XG: variants seen among roughly 807,000 people sequenced by gnomAD.
XG encodes Xg glycoprotein (Xg blood group).
In XG, 24 loss-of-function variants were observed where a neutral mutation model predicts 25.7. The ratio of observed to expected loss-of-function variants is 0.93; its 90% CI spans 0.68 to 1.31. The LOEUF is 1.31. Ranked by LOEUF, XG falls within the 40% of genes most tolerant of loss-of-function variation. The pLI, the probability that XG is intolerant of heterozygous loss-of-function variation, is 0.00. For synonymous variants in XG, 77 were observed against 69.2 expected, an observed-to-expected ratio of 1.11 and a Z score of -0.56; for missense variants, 181 against 187.6, an observed-to-expected ratio of 0.96 and a Z score of 0.21.
intron 1 of XG, among the ~76,000 whole-genome samples, chrX:2,766,813 C>T (rs2050708629): frequency 6.6e-6 from 1 of 151,978 alleles, no homozygotes; most frequent in African/African-American, 2.4e-5. Context: ...GATCCGCCTG[C>T]CTCGGCCTCC....
chrX:2,793,383 A>T (rs1332098778), intron 5 of XG, among the ~76,000 whole-genome samples: 2 of 111,670 alleles, frequency 1.8e-5, no homozygotes, highest in African/African-American at 6.5e-5. Context: ...GTCTCCTTGG[A>T]TCTCGTTTGA....
chrX:2,779,450 G>T (rs747416674), intron 3 of XG, among the ~76,000 whole-genome samples: 1 of 151,860 alleles, frequency 6.6e-6, no homozygotes, highest in East Asian at 1.9e-4. Context: ...AAGATGAGCT[G>T]TCAACTAGAA....
intron 1 of XG, among the ~76,000 whole-genome samples, chrX:2,759,009 T>A (rs887344879): frequency 1.5e-4 from 18 of 118,994 alleles, no homozygotes; most frequent in African/African-American, 5.8e-4. Context: ...ATTACCTATC[T>A]ATGTATCTAT....
At chrX:2,789,413 G>A (rs1373701430) in intron 4 of XG, among the ~76,000 whole-genome samples, 3 of 112,207 alleles carry the variant, frequency 2.7e-5, no homozygotes, top group African/African-American at 9.7e-5. Flanking sequence ...TTTCTGCCCT[G>A]TTAATTTCAG....
At chrX:2,768,003 C>T (rs924293900) in intron 1 of XG, among the ~76,000 whole-genome samples, 3 of 152,174 alleles carry the variant, frequency 2.0e-5, no homozygotes, top group African/African-American at 7.2e-5. Flanking sequence ...TCATCCGGAG[C>T]ATCTCAAAGC....
At chrX:2,763,407 G>C (rs2124422414) in intron 1 of XG, among the ~76,000 whole-genome samples, 1 of 151,898 alleles carries the variant, frequency 6.6e-6, no homozygotes, top group East Asian at 1.9e-4. Flanking sequence ...ATAGACGTTG[G>C]GTAAGAGAAA....
chrX:2,792,380 G>C (rs141625934), intron 5 of XG, among the ~76,000 whole-genome samples: 1,340 of 110,687 alleles, frequency 0.012, 22 homozygotes, highest in African/African-American at 0.042. Flanking sequence ...GGTTGCCTAG[G>C]CTGAAATGCA....
chrX:2,752,198 A>G lies in XG; in HGVS notation c.-77A>G, dbSNP rs1569456170. The G allele has an allele frequency of 6.2e-7, 1 of 1,606,154 alleles. No homozygotes were observed. Among genetic ancestry groups the G allele is most frequent in the Admixed American group, 1.7e-5 (1 of 59,320 alleles). ...AGCTGGGAGACCAGAAGTCAACAAC[A>G]GGAGGGTGGAGAGGCCGGGTCTCAC... On this transcript the variant is annotated 5_prime_UTR_variant, in exon 1 of 11. Coordinates refer to ENST00000644266, the MANE Select transcript of XG (RefSeq NM_001141919.2).
chrX:2,788,748 G>A (rs1405460138), intron 4 of XG, among the ~76,000 whole-genome samples: 6 of 110,113 alleles, frequency 5.4e-5, no homozygotes, highest in African/African-American at 2.0e-4. Flanking sequence ...TCAGCTACTC[G>A]GGAGGCTGAG....
chrX:2,767,921 C>T (rs2050735435), intron 1 of XG, among the ~76,000 whole-genome samples: 1 of 152,144 alleles, frequency 6.6e-6, no homozygotes, highest in African/African-American at 2.4e-5. Context: ...TGAAACCAAG[C>T]AAAGCCTAAA....
intron 1 of XG, among the ~76,000 whole-genome samples, chrX:2,757,746 C>G (rs1358732170): frequency 6.6e-6 from 1 of 151,626 alleles, no homozygotes; most frequent in Non-Finnish European, 1.5e-5. Flanking sequence ...CCGAGTTGGG[C>G]AGATCACTTG....
chrX:2,811,199 C>A, intron 9 of XG, 137 bp from the exon 10 acceptor site: 1 of 421,291 alleles, frequency 2.4e-6, no homozygotes, highest in Non-Finnish European at 4.2e-6. Flanking sequence ...TAGATAGATG[C>A]AAAAGTTATT....
chrX:2,802,254 A>G (rs1448618408), intron 7 of XG, among the ~76,000 whole-genome samples: 1 of 109,709 alleles, frequency 9.1e-6, no homozygotes, highest in African/African-American at 3.3e-5. Flanking sequence ...TCTTGGGCTC[A>G]AGCGATCCTC....
At chrX:2,769,919 A>G (rs311146) in intron 1 of XG, among the ~76,000 whole-genome samples, 2,165 of 151,064 alleles carry the variant, frequency 0.014, 52 homozygotes, top group African/African-American at 0.05. Flanking sequence ...AAGGTGTCCT[A>G]TGCTCCATAT....
At position 2,794,590 on chromosome X, in the gene XG, A is replaced by T; in HGVS notation, c.309A>T (p.Pro103=). 1 of 1,211,324 alleles carries T rather than the reference A, an allele frequency of 8.3e-7. No homozygotes were observed. Among genetic ancestry groups the T allele is most frequent in the East Asian group, 3.0e-5 (1 of 33,811 alleles). The change falls in exon 6 of 11, where the codon CCA becomes CCT. Residue 103 remains proline (P), a synonymous_variant. Transcript: ENST00000644266. ...DDGRYPPRPR[P]RPPAGGGGGG... ...GACGCTACCCGCCCAGGCCCAGGCC[A>T]CGGCCGCCTGCAGGTAGGTGCCGAG...
At chrX:2,774,856 T>C in intron 3 of XG, 117 bp downstream of exon 3, 1 of 1,327,622 alleles carries the variant, frequency 7.5e-7, no homozygotes, top group Non-Finnish European at 1.1e-6. Context: ...ATGCAACAAC[T>C]GTACCAGATA....
chrX:2,754,005 T>G (rs917566864), intron 1 of XG, among the ~76,000 whole-genome samples: 1 of 152,224 alleles, frequency 6.6e-6, no homozygotes, highest in African/African-American at 2.4e-5. Flanking sequence ...AAAAGTGTTC[T>G]GAGCACTCTG....
intron 7 of XG, among the ~76,000 whole-genome samples, chrX:2,802,735 A>G (rs1020768329): frequency 3.6e-5 from 4 of 110,339 alleles, no homozygotes; most frequent in African/African-American, 1.3e-4. Context: ...TAGGTTTTAC[A>G]ATAGTGATGC....
chrX:2,775,616 T>G (rs945367605), intron 3 of XG, among the ~76,000 whole-genome samples: 67 of 152,168 alleles, frequency 4.4e-4, no homozygotes, highest in Non-Finnish European at 7.9e-4. Flanking sequence ...AAATGGTTAA[T>G]TATATGTAAA....
Sources: allele counts gnomAD v4.1 joint callset (sites outside exome capture counted in the v4.1 genomes callset), GRCh38; gene constraint gnomAD v4.1.1; transcripts MANE v1.5; gene names NCBI Gene and HGNC (gene_info 2026-07-23, HGNC 2026-07-21).